RELL1: variants seen among roughly 807,000 people sequenced by gnomAD.
The protein encoded by RELL1 is RELT like 1, also known as RELT-like protein 1.
A neutral mutation model predicts 23.0 loss-of-function variants in RELL1; 10 were observed. The ratio of observed to expected loss-of-function variants is 0.43; its 90% confidence interval spans 0.27 to 0.74. The LOEUF (loss-of-function observed/expected upper bound fraction) is 0.74, where lower values mean the gene tolerates loss of function less well. Among genes scored for constraint, RELL1 ranks in the 30% least tolerant of loss-of-function variants. RELL1 has a pLI of 0.19. For missense variants in RELL1, 315 were observed against 364.4 expected (o/e 0.86, Z 1.10); for synonymous variants, 146 against 146.8 (o/e 0.99, Z 0.04).
chr4:37,600,577 C>G (rs991235428), intron 6 of RELL1, among the ~76,000 whole-genome samples: 4 of 152,138 alleles, frequency 2.6e-5, no homozygotes, highest in Admixed American at 2.6e-4. Context: ...ATCCTTTGAA[C>G]TTTAAGTCAC....
exon 7 of RELL1, chr4:37,590,962 G>A: frequency 6.2e-7 from 1 of 1,613,546 alleles, no homozygotes; most frequent in Non-Finnish European, 8.5e-7. Flanking sequence ...AGCTTTAGAA[G>A]CTGCTACTGC....
intron 6 of RELL1, among the ~76,000 whole-genome samples, chr4:37,622,491 A>G (rs913010910): frequency 6.6e-6 from 1 of 152,172 alleles, no homozygotes; most frequent in Admixed American, 6.5e-5. Flanking sequence ...TGCATTTCTT[A>G]TATTTCAGTT....
intron 1 of RELL1, among the ~76,000 whole-genome samples, chr4:37,666,077 A>T (rs946216894): frequency 3.3e-5 from 5 of 152,136 alleles, no homozygotes; most frequent in African/African-American, 1.2e-4. Context: ...GGCCTCTAGG[A>T]TGCTCAACTA....
chr4:37,650,811 T>A (rs1447072185), intron 1 of RELL1, among the ~76,000 whole-genome samples: 1 of 78,268 alleles, frequency 1.3e-5, no homozygotes, highest in East Asian at 4.2e-4. Flanking sequence ...TTTGGGAGGC[T>A]GAAGGGGGTG....
At chr4:37,682,385 G>A (rs1231858416) in intron 1 of RELL1, among the ~76,000 whole-genome samples, 1 of 152,184 alleles carries the variant, frequency 6.6e-6, no homozygotes, top group African/African-American at 2.4e-5. Context: ...TTATACCAAT[G>A]ACAATTTAAT....
At chr4:37,653,267 C>A (rs776508958) in intron 1 of RELL1, among the ~76,000 whole-genome samples, 11 of 151,948 alleles carry the variant, frequency 7.2e-5, no homozygotes, top group South Asian at 2.1e-4. Flanking sequence ...TTTTCCCTTG[C>A]AACAGGTAGA....
chr4:37,669,263 C>T (rs1721696641), intron 1 of RELL1, among the ~76,000 whole-genome samples: 1 of 143,336 alleles, frequency 7.0e-6, no homozygotes, highest in South Asian at 2.1e-4. Context: ...CGGCCAGCCG[C>T]CCCATCCGGG....
chr4:37,685,991 G>T (rs1290027882), intron 1 of RELL1, among the ~76,000 whole-genome samples: 2 of 152,116 alleles, frequency 1.3e-5, no homozygotes, highest in African/African-American at 4.8e-5. Context: ...GGCGGGAGCG[G>T]GGCCCGCGGG....
At chr4:37,598,226 C>A (rs1171136407) in intron 6 of RELL1, among the ~76,000 whole-genome samples, 2 of 79,698 alleles carry the variant, frequency 2.5e-5, no homozygotes, top group Admixed American at 3.9e-4. Context: ...ATGTTCTGTT[C>A]TGGGAAACAA....
rs1234098175 is a variant in RELL1, at chr4:37,613,114, T to G, written c.*232A>C. The G allele has an allele frequency of 1.3e-5, 2 of 152,176 alleles. No individual in the cohort carries two copies. The highest frequency in any genetic ancestry group is 2.9e-5 in the Non-Finnish European group (2 of 68,036). The allele number at this position is 152,176 out of a possible 1,614,324, so 9.4% of individuals were successfully genotyped here. On this transcript the variant is annotated 3_prime_UTR_variant, in exon 7 of 7. Coordinates refer to ENST00000454158, the MANE Select transcript of RELL1 (RefSeq NM_001085400.2). Reference sequence around the variant, plus strand: ...GAGTGGTTAAGAAGATAAAAACAGCTCTTTCCTTCCCTGGAAGTATAATAA... The same window carrying G: ...GAGTGGTTAAGAAGATAAAAACAGCGCTTTCCTTCCCTGGAAGTATAATAA...
intron 3 of RELL1, among the ~76,000 whole-genome samples, chr4:37,645,888 G>A (rs1206584058): frequency 6.6e-6 from 1 of 152,216 alleles, no homozygotes; most frequent in Non-Finnish European, 1.5e-5. Flanking sequence ...CCGTTGAAGA[G>A]AGTCAAACTG....
intron 1 of RELL1, among the ~76,000 whole-genome samples, chr4:37,650,719 TG>T (rs1332994586): frequency 6.7e-6 from 1 of 149,526 alleles, no homozygotes; most frequent in Non-Finnish European, 1.5e-5. Flanking sequence ...CCTGCAGGGG[TG>T]CCACAGGGAC....
At chr4:37,669,961 C>T (rs1301935769) in intron 1 of RELL1, among the ~76,000 whole-genome samples, 1 of 151,480 alleles carries the variant, frequency 6.6e-6, no homozygotes, top group Non-Finnish European at 1.5e-5. Flanking sequence ...TGTTTATCTG[C>T]TGACCTTCCC....
downstream of RELL1, among the ~76,000 whole-genome samples, chr4:37,587,482 C>T (rs1718387951): frequency 6.6e-6 from 1 of 152,098 alleles, no homozygotes; most frequent in East Asian, 1.9e-4. Context: ...TCTTAAAAAG[C>T]ACCAGTCATA....
Position 37,604,874 on chromosome 4 carries a change from CACA to C in RELL1, c.*4-13660_*4-13658del, listed in dbSNP as rs1560323887. On this transcript the variant is annotated intron_variant, in intron 6 of 6. Coordinates refer to the RELL1 transcript ENST00000314117. The stretch of plus-strand genomic sequence containing the variant: ...ACAGACACACACACACAGACACACA[CACA>C]CATACACACAGACACACACACAGAC... Among the ~76,000 whole-genome samples, 11 of 98,164 alleles carry C rather than the reference CACA, an allele frequency of 1.1e-4. 1 individual carries two copies. The East Asian group carries it at 1.8e-3, about 16-fold the overall frequency. The allele number at this position is 98,164 out of a possible 152,430, so 64.4% of individuals were successfully genotyped here.
At chr4:37,667,599 G>T (rs1721581923) in intron 1 of RELL1, among the ~76,000 whole-genome samples, 1 of 150,810 alleles carries the variant, frequency 6.6e-6, no homozygotes, top group Admixed American at 6.6e-5. Context: ...GTTAGAGAAG[G>T]TAGAAAACCT....
downstream of RELL1, chr4:37,590,161 G>A (rs75469859): frequency 1.7e-3 from 2,821 of 1,614,174 alleles, 4 homozygotes; most frequent in Non-Finnish European, 2.1e-3. Flanking sequence ...GCTAGATGAA[G>A]ACGACACTGA....
chr4:37,686,033 G>A (rs1722396343), intron 1 of RELL1, among the ~76,000 whole-genome samples, 167 bp downstream of exon 1: 1 of 152,172 alleles, frequency 6.6e-6, no homozygotes, highest in Non-Finnish European at 1.5e-5. Flanking sequence ...GCCACGCACC[G>A]CGCCCTGCCC....
intron 6 of RELL1, among the ~76,000 whole-genome samples, chr4:37,594,140 G>T (rs1718744803): frequency 6.6e-6 from 1 of 152,080 alleles, no homozygotes; most frequent in Admixed American, 6.6e-5. Context: ...AAGTAATTCT[G>T]GCCCCTTTCA....
Sources: gnomAD v4.1 joint callset for allele counts (sites outside exome capture counted in the v4.1 genomes callset) on GRCh38, gnomAD v4.1.1 for gene constraint, MANE v1.5 for transcripts, NCBI Gene and HGNC (gene_info 2026-07-23, HGNC 2026-07-21) for gene names.